LYPLA1: variants seen among roughly 807,000 people sequenced by gnomAD.
LYPLA1 encodes lysophospholipase 1.
A neutral mutation model predicts 34.0 loss-of-function variants in LYPLA1; 17 were observed. That is an observed-to-expected ratio of 0.50 (90% CI 0.34 to 0.75). The LOEUF (loss-of-function observed/expected upper bound fraction) is 0.75, where lower values mean the gene tolerates loss of function less well. Ranked by LOEUF, LYPLA1 falls within the 30% of genes least tolerant of loss-of-function variation. The pLI is 0.01. For synonymous variants in LYPLA1, 98 were observed against 100.8 expected, an observed-to-expected ratio of 0.97 and a Z score of 0.17; for missense variants, 203 against 288.8, an observed-to-expected ratio of 0.70 and a Z score of 2.15.
chr8:54,095,828 T>G (rs1356952158), intron 2 of LYPLA1, among the ~76,000 whole-genome samples: 2 of 151,940 alleles, frequency 1.3e-5, no homozygotes, highest in Admixed American at 6.6e-5. Context: ...CAAGCGATTC[T>G]CATGCTCAGC....
intron 2 of LYPLA1, among the ~76,000 whole-genome samples, chr8:54,084,142 A>AAAATTTT (rs1491176522): frequency 1.1e-5 from 1 of 93,888 alleles, no homozygotes; most frequent in African/African-American, 4.2e-5. Context: ...AAATAAATAA[A>AAAATTTT]TATATATATA....
intron 2 of LYPLA1, among the ~76,000 whole-genome samples, chr8:54,066,724 TGAGCCGAGA>T (rs1472003392): frequency 1.5e-4 from 23 of 150,166 alleles, no homozygotes; most frequent in African/African-American, 5.7e-4. Context: ...GAGGCTGCAG[TGAGCCGAGA>T]TCACGCCACT....
chr8:54,098,858 T>C (rs1387874875), intron 2 of LYPLA1, among the ~76,000 whole-genome samples: 2 of 152,186 alleles, frequency 1.3e-5, no homozygotes, highest in African/African-American at 4.8e-5. Flanking sequence ...AAATTGCCAC[T>C]TGTCAGGCTG....
chr8:54,086,091 C>T (rs1456719352), intron 2 of LYPLA1, among the ~76,000 whole-genome samples: 3 of 152,158 alleles, frequency 2.0e-5, no homozygotes, highest in Non-Finnish European at 2.9e-5. Flanking sequence ...AAGAAAAATT[C>T]TTCCACCTTG....
intron 2 of LYPLA1, among the ~76,000 whole-genome samples, chr8:54,072,670 T>TG (rs979532593): frequency 6.6e-6 from 1 of 151,110 alleles, no homozygotes; most frequent in Non-Finnish European, 1.5e-5. Context: ...ACAAAAAACA[T>TG]GAACAGACAC....
chr8:54,078,796 T>C (rs1017062123), intron 2 of LYPLA1, among the ~76,000 whole-genome samples: 1 of 152,124 alleles, frequency 6.6e-6, no homozygotes, highest in Non-Finnish European at 1.5e-5. Context: ...CCTTCTACCA[T>C]CTGCTAAGAC....
intron 2 of LYPLA1, among the ~76,000 whole-genome samples, chr8:54,079,328 CAT>C (rs1425140269): frequency 6.6e-6 from 1 of 152,102 alleles, no homozygotes; most frequent in Non-Finnish European, 1.5e-5. Flanking sequence ...ACTTAACGTG[CAT>C]AGTTAGCTTT....
chr8:54,082,039 T>C (rs1049654716), intron 2 of LYPLA1, among the ~76,000 whole-genome samples: 3 of 152,070 alleles, frequency 2.0e-5, no homozygotes, highest in Non-Finnish European at 4.4e-5. Flanking sequence ...GAGAGAAATT[T>C]AAAAAACAAA....
intron 2 of LYPLA1, among the ~76,000 whole-genome samples, chr8:54,070,449 C>T (rs1304095708): frequency 2.0e-5 from 3 of 152,048 alleles, no homozygotes; most frequent in South Asian, 2.1e-4. Flanking sequence ...TGAGGCCAGG[C>T]GTGGTGGCTC....
intron 2 of LYPLA1, among the ~76,000 whole-genome samples, chr8:54,096,315 C>G (rs1270356996): frequency 6.6e-6 from 1 of 152,214 alleles, no homozygotes; most frequent in East Asian, 1.9e-4. Flanking sequence ...AAATCTGAGT[C>G]CAGGCATGAC....
At chr8:54,052,334 G>C (rs1191123420) in intron 7 of LYPLA1, among the ~76,000 whole-genome samples, 1 of 151,930 alleles carries the variant, frequency 6.6e-6, no homozygotes, top group Non-Finnish European at 1.5e-5. Context: ...CATCACAAAA[G>C]TCTAAGAAAA....
chr8:54,090,020 TC>T (rs1235653828), intron 2 of LYPLA1, among the ~76,000 whole-genome samples: 1 of 152,194 alleles, frequency 6.6e-6, no homozygotes. Flanking sequence ...GTGATGTGCT[TC>T]CCCCTGCAAA....
In LYPLA1 at chr8:54,047,416, G is replaced by C. The variant is rs1250843583; in HGVS notation, c.*649C>G. On this transcript the variant is annotated 3_prime_UTR_variant, in exon 9 of 9. Coordinates refer to ENST00000316963, the MANE Select transcript of LYPLA1 (RefSeq NM_006330.4). ...AAAAACAAACTTTTTTTTTTTTCTT[G>C]AGAGAAAAGAGTATTAAATAGAAAT... 6.7e-6 allele frequency: 1 copy of C among 150,092 alleles called. No homozygotes were observed. Among genetic ancestry groups the C allele is most frequent in the African/African-American group, 2.4e-5 (1 of 40,912 alleles). The allele number at this position is 150,092 out of a possible 1,614,324, so 9.3% of individuals were successfully genotyped here.
At chr8:54,044,602 A>G (rs1805437129), downstream of LYPLA1, among the ~76,000 whole-genome samples, 1 of 151,808 alleles carries the variant, frequency 6.6e-6, no homozygotes, top group Non-Finnish European at 1.5e-5. Flanking sequence ...GGAAGGGGCC[A>G]GATTTTTTTT....
intron 5 of LYPLA1, among the ~76,000 whole-genome samples, chr8:54,059,299 G>GTTTTTTTT (rs573966934): frequency 1.2e-4 from 13 of 112,704 alleles, no homozygotes; most frequent in African/African-American, 5.3e-4. Context: ...TATTTTCCCT[G>GTTTTTTTT]TTTTTTTTTT....
At chr8:54,054,932 A>G in intron 6 of LYPLA1, 128 bp downstream of exon 6, 1 of 637,784 alleles carries the variant, frequency 1.6e-6, no homozygotes, top group Non-Finnish European at 2.8e-6. Context: ...TTAATTAAAC[A>G]TCAAAGGTAA....
At chr8:54,050,964 T>A in intron 8 of LYPLA1, 48 bp downstream of exon 8, 1 of 1,509,456 alleles carries the variant, frequency 6.6e-7, no homozygotes, top group Non-Finnish European at 8.9e-7. Context: ...AAATATCACA[T>A]GAAAAAAGTT....
chr8:54,056,681 G>T (rs989624529), intron 5 of LYPLA1, among the ~76,000 whole-genome samples: 1 of 152,178 alleles, frequency 6.6e-6, no homozygotes, highest in African/African-American at 2.4e-5. Flanking sequence ...TTGGGAGACC[G>T]AGGAGGGTGG....
chr8:54,061,843 T>A (rs1806656138), intron 5 of LYPLA1, among the ~76,000 whole-genome samples: 1 of 152,078 alleles, frequency 6.6e-6, no homozygotes, highest in African/African-American at 2.4e-5. Flanking sequence ...AATGTGGTTT[T>A]TTTTGGTTTG....
Sources: allele counts gnomAD v4.1 joint callset (sites outside exome capture counted in the v4.1 genomes callset), GRCh38; gene constraint gnomAD v4.1.1; transcripts MANE v1.5; gene names NCBI Gene and HGNC (gene_info 2026-07-23, HGNC 2026-07-21).